MED1: variants seen among roughly 807,000 people sequenced by gnomAD.
MED1 encodes mediator complex subunit 1.
Under a neutral mutation model 121.3 loss-of-function variants are expected in MED1, and 17 were observed. The observed-to-expected ratio is 0.14, with a 90% CI of 0.10 to 0.21. The LOEUF (loss-of-function observed/expected upper bound fraction) is 0.21. MED1 is among the 10% of genes least tolerant of loss of function. MED1 has a pLI of 1.00. For synonymous variants in MED1, 661 were observed against 694.4 expected (o/e 0.95, Z 0.76); for missense variants, 1,558 against 1,919.4 (o/e 0.81, Z 3.52).
At chr17:39,448,548 CAAAAA>C (rs71147333) in intron 1 of MED1, among the ~76,000 whole-genome samples, 1 of 70,026 alleles carries the variant, frequency 1.4e-5, no homozygotes, top group African/African-American at 4.4e-5. Flanking sequence ...GACATTGTGT[CAAAAA>C]AAAAAAAAAA....
chr17:39,429,805 G>A (rs1015273158), intron 9 of MED1, among the ~76,000 whole-genome samples: 2 of 151,340 alleles, frequency 1.3e-5, no homozygotes, highest in Non-Finnish European at 2.9e-5. Context: ...CCCAAGATGA[G>A]GCCGGGCGCA....
rs758305435 is a variant in MED1, at chr17:39,410,299, T to C, written c.1922A>G (p.Asn641Ser). The C allele has an allele frequency of 9.3e-6, 15 of 1,613,766 alleles. No individual in the cohort carries two copies. In the East Asian group the frequency reaches 2.5e-4, roughly 26 times the overall value. ...AAGAAGGTTCATGAGCATCGGGTGG[T>C]TCTTGGTGTTGCCGGCCATCGAAGA... Reference protein sequence around the residue: ...PVSSMAGNTKNHPMLMNLLKD... With the variant: ...PVSSMAGNTKSHPMLMNLLKD... The change falls in exon 17 of 17, where the codon AAC becomes AGC. Residue 641 changes from asparagine (N) to serine (S), a missense_variant. This residue lies in a region of MED1 where 793 missense variants were observed against 898.2 expected (regional missense o/e 0.88). Transcript: ENST00000300651.
chr17:39,415,195 T>A, intron 15 of MED1, 49 bp downstream of exon 15: 1 of 1,609,354 alleles, frequency 6.2e-7, no homozygotes, highest in Non-Finnish European at 8.5e-7. Flanking sequence ...AAAAAAGACA[T>A]AGGGACCAAA....
At chr17:39,433,391 AC>A (rs1214182769) in intron 7 of MED1, among the ~76,000 whole-genome samples, 3 of 151,272 alleles carry the variant, frequency 2.0e-5, no homozygotes, top group Admixed American at 6.6e-5. Context: ...AAAAAAAAAA[AC>A]ATTTTAAAAC....
At chr17:39,438,337 A>ATTTTTTTT (rs1185343270) in intron 6 of MED1, among the ~76,000 whole-genome samples, 1 of 58,932 alleles carries the variant, frequency 1.7e-5, no homozygotes, top group African/African-American at 6.2e-5. Flanking sequence ...TGCCTGGCTA[A>ATTTTTTTT]TTTTTTTTTT....
Position 39,424,684 on chromosome 17 carries a change from ACAG to A in MED1, c.791_793del (p.Ala264del), listed in dbSNP as rs1208544860. 3 of 1,611,390 alleles carry A rather than the reference ACAG, an allele frequency of 1.9e-6. No individual in the cohort carries two copies. Among genetic ancestry groups the A allele is most frequent in the Non-Finnish European group, 2.5e-6 (3 of 1,178,852 alleles). ...TAATGGTGCAATTGGGAGTTTGTAC[ACAG>A]CAGATGTTCCTTCAATTGTCACTGA... On this transcript the variant is annotated inframe_deletion, in exon 11 of 17. Coordinates refer to ENST00000300651, the MANE Select transcript of MED1 (RefSeq NM_004774.4).
At position 39,434,902 on chromosome 17, in the gene MED1, G is replaced by C. The variant is rs559146862; in HGVS notation, c.429-582C>G. The stretch of plus-strand genomic sequence containing the variant: ...TTAGGAAGGGCCAGGCACAGTCCTC[G>C]CGCCTGTAATCCCAGCACTTTGGGA... On this transcript the variant is annotated intron_variant, in intron 6 of 16. Transcript: ENST00000300651. Among the ~76,000 whole-genome samples the C allele has an allele frequency of 5.3e-5, 8 of 152,168 alleles. 1 individual carries two copies. In the South Asian group the frequency reaches 1.7e-3, roughly 32 times the overall value.
chr17:39,419,905 T>C lies in MED1; in HGVS notation c.1109A>G (p.Gln370Arg), dbSNP rs1380677187. ...CTTGTTGAGGAAATAGCAGTGCTGC[T>C]GACCAGGAAGAGCCTGGGCAAAAAG... ...NMRFYAALPG[Q>R]QHCYFLNKDA... Residue 370 changes from glutamine to arginine, a missense_variant, in exon 14 of 17, where the codon CAG becomes CGG. Physicochemically the swap from Gln to Arg is conservative, Grantham distance 43. This residue lies in a region of MED1 where 443 missense variants were observed against 532.4 expected (regional missense o/e 0.83). Transcript: ENST00000300651. 6.2e-7 allele frequency: 1 copy of C among 1,613,970 alleles called. No homozygotes were observed.
At chr17:39,445,685 A>T (rs970549575) in intron 2 of MED1, 1 of 152,160 alleles carries the variant, frequency 6.6e-6, no homozygotes, top group Non-Finnish European at 1.5e-5. Flanking sequence ...TAATGACAGT[A>T]TCATTTACAG....
At chr17:39,441,737 G>A (rs1005127233) in intron 3 of MED1, among the ~76,000 whole-genome samples, 7 of 152,118 alleles carry the variant, frequency 4.6e-5, no homozygotes, top group African/African-American at 1.7e-4. Context: ...TCGTGCCACT[G>A]CACTCCAGCC....
rs1305611905 is a variant in MED1, at chr17:39,424,666, G to A, written c.812C>T (p.Ala271Val). The A allele has an allele frequency of 1.9e-6, 3 of 1,607,890 alleles. No homozygotes were observed. The highest frequency in any genetic ancestry group is 2.5e-6 in the Non-Finnish European group (3 of 1,176,548). Residue 271 changes from alanine (A) to valine (V), a missense_variant, in exon 11 of 17, where the codon GCA becomes GTA. Transcript: ENST00000300651. Reference protein sequence around the residue: ...GTSAVYKLPIAPLIMGSHPVD... With the variant: ...GTSAVYKLPIVPLIMGSHPVD... ...TGGATGTGACCCCATAATTAATGGT[G>A]CAATTGGGAGTTTGTACACAGCAGA...
chr17:39,407,427 C>T lies in MED1; in HGVS notation c.*48G>A, dbSNP rs746093663. On this transcript the variant is annotated 3_prime_UTR_variant, in exon 17 of 17. Coordinates refer to ENST00000300651, the MANE Select transcript of MED1 (RefSeq NM_004774.4). ...TATGGTGGTTTGCCTATAAACTTATCAATAGTTTTTTTTCCTCTGGCCCTG... is the reference window on the plus strand; with the variant it reads ...TATGGTGGTTTGCCTATAAACTTATTAATAGTTTTTTTTCCTCTGGCCCTG... The T allele has an allele frequency of 1.3e-6, 2 of 1,543,936 alleles. No individual in the cohort carries two copies. Among genetic ancestry groups the T allele is most frequent in the East Asian group, 4.5e-5 (2 of 44,356 alleles).
intron 14 of MED1, 144 bp downstream of exon 14, chr17:39,419,573 A>T: frequency 1.4e-6 from 1 of 724,860 alleles, no homozygotes; most frequent in Non-Finnish European, 2.2e-6. Context: ...ACGTGCAGCT[A>T]ATTTGCTTGA....
chr17:39,420,479 G>C (rs1216241640), intron 13 of MED1, among the ~76,000 whole-genome samples: 1 of 151,912 alleles, frequency 6.6e-6, no homozygotes, highest in African/African-American at 2.4e-5. Flanking sequence ...GGGATTACAG[G>C]AATAAACAAC....
rs1567657006 is a variant in MED1, at chr17:39,451,024, C to G, written c.25+14G>C. ...GTTGTGTCCCGCCCCCTCCTTTCCC[C>G]TACAGTCACTTACCCTCGGTTTCCC... On this transcript the variant is annotated intron_variant, in intron 1 of 16. Coordinates refer to ENST00000300651, the MANE Select transcript of MED1 (RefSeq NM_004774.4). 1 of 1,610,416 alleles carries G rather than the reference C, an allele frequency of 6.2e-7. No homozygotes were observed. The highest frequency in any genetic ancestry group is 8.5e-7 in the Non-Finnish European group (1 of 1,178,298).
rs183671440 is a variant in MED1 at position 39,425,986 on chromosome 17, G to T, written c.740-1248C>A. On this transcript the variant is annotated intron_variant, in intron 10 of 16. Transcript: ENST00000300651. The stretch of plus-strand genomic sequence containing the variant: ...TAAGTAGGATCATAATAAAAGGACA[G>T]GCTGGTGCACTGGCTCACACCTGTA... 4.4e-4 allele frequency among the ~76,000 whole-genome samples: 67 copies of T among 152,166 alleles called. 1 individual carries two copies. Among genetic ancestry groups the T allele is most frequent in the African/African-American group, 1.6e-3 (65 of 41,520 alleles).
In MED1 at chr17:39,431,288, T is replaced by C. The variant is rs529286166; in HGVS notation, c.576-100A>G. 3.7e-3 allele frequency: 3,793 copies of C among 1,018,764 alleles called. 153 individuals carry two copies. In the South Asian group the frequency reaches 0.053, roughly 14 times the overall value. The allele number at this position is 1,018,764 out of a possible 1,614,324, so 63.1% of individuals were successfully genotyped here. A position where few individuals can be genotyped will look rare whatever the true frequency, so the allele number is the denominator to read the frequency against. ...ACCTCTCCGAAGTCTTGTCTTTTTT[T>C]TTTTTTGAGACGGAGTTTCGCTCTT... On this transcript the variant is annotated intron_variant, in intron 8 of 16. Coordinates refer to ENST00000300651, the MANE Select transcript of MED1 (RefSeq NM_004774.4).
chr17:39,427,516 T>C (rs530295497), intron 10 of MED1, 185 bp downstream of exon 10: 31 of 472,422 alleles, frequency 6.6e-5, no homozygotes, highest in African/African-American at 5.8e-4. Flanking sequence ...TGTATGTGTG[T>C]ATATATGCAT....
chr17:39,446,934 C>CA (rs1567655233), intron 2 of MED1, among the ~76,000 whole-genome samples: 1 of 151,532 alleles, frequency 6.6e-6, no homozygotes, highest in Admixed American at 6.6e-5. Context: ...GACCTGGTCT[C>CA]AAAAAAAAGA....
Sources: allele counts gnomAD v4.1 joint callset (sites outside exome capture counted in the v4.1 genomes callset), GRCh38; gene constraint gnomAD v4.1.1; regional missense constraint gnomAD v4.1.1; transcripts MANE v1.5; gene names NCBI Gene and HGNC (gene_info 2026-07-23, HGNC 2026-07-21).